The following ZC3H12B variants were observed in gnomAD, a reference collection of about 807,000 sequenced individuals.
The protein encoded by ZC3H12B is zinc finger CCCH-type containing 12B, also known as probable ribonuclease ZC3H12B.
ZC3H12B carries 7 observed loss-of-function variants against 43.9 expected under a neutral mutation model. The ratio of observed to expected loss-of-function variants is 0.16; its 90% CI spans 0.09 to 0.30. The LOEUF (loss-of-function observed/expected upper bound fraction) is 0.30. Ranked by LOEUF, ZC3H12B falls within the 10% of genes least tolerant of loss-of-function variation. ZC3H12B has a pLI of 1.00. For missense variants in ZC3H12B, 475 were observed against 670.2 expected (o/e 0.71, Z 3.22); for synonymous variants, 222 against 241.7 (o/e 0.92, Z 0.76).
At chrX:65,287,621 T>A in the ZC3H12B span, among the ~76,000 whole-genome samples, 2 of 110,065 alleles carry the variant, frequency 1.8e-5, no homozygotes, top group Admixed American at 9.8e-5. Flanking sequence ...TTGAAACAAA[T>A]GAAAATGGAA....
chrX:65,414,883 G>C (rs1217361752), intron 3 of ZC3H12B, among the ~76,000 whole-genome samples: 7 of 112,122 alleles, frequency 6.2e-5, no homozygotes, highest in Non-Finnish European at 1.1e-4. Flanking sequence ...TGTTGACAAA[G>C]AGTCAAACTC....
chrX:65,296,700 A>C, the ZC3H12B span, among the ~76,000 whole-genome samples: 1 of 110,898 alleles, frequency 9.0e-6, no homozygotes, highest in African/African-American at 3.3e-5. Flanking sequence ...AGGACATAAC[A>C]AAAAAAGGAA....
At chrX:65,070,042 T>G in the ZC3H12B span, among the ~76,000 whole-genome samples, 622 of 108,239 alleles carry the variant, frequency 5.7e-3, 6 homozygotes, top group African/African-American at 0.019. Context: ...TTTTTTTTTG[T>G]ACATCTCATA....
At chrX:65,065,675 T>G in the ZC3H12B span, among the ~76,000 whole-genome samples, 2 of 111,545 alleles carry the variant, frequency 1.8e-5, no homozygotes, top group African/African-American at 6.5e-5. Context: ...TTTCCTGAAC[T>G]GAATGTTCGC....
intron 3 of ZC3H12B, among the ~76,000 whole-genome samples, chrX:65,464,939 CT>C (rs1282391175): frequency 1.8e-5 from 2 of 110,679 alleles, no homozygotes; most frequent in East Asian, 5.6e-4. Flanking sequence ...TGCAAACTTC[CT>C]TTCATTATTA....
chrX:65,307,356 G>T, the ZC3H12B span, among the ~76,000 whole-genome samples: 1 of 111,561 alleles, frequency 9.0e-6, no homozygotes, highest in South Asian at 3.7e-4. Context: ...AATGCCTAAG[G>T]TTTAGAATTC....
chrX:65,222,286 G>C, the ZC3H12B span, among the ~76,000 whole-genome samples: 1 of 111,012 alleles, frequency 9.0e-6, no homozygotes, highest in Non-Finnish European at 1.9e-5. Context: ...CTGAGAACCA[G>C]AACAAGACAA....
chrX:65,291,271 A>C, the ZC3H12B span, among the ~76,000 whole-genome samples: 1 of 111,664 alleles, frequency 9.0e-6, no homozygotes, highest in East Asian at 2.8e-4. Flanking sequence ...ATATTAAGAA[A>C]TAATATTTAA....
At chrX:65,307,631 C>T in the ZC3H12B span, among the ~76,000 whole-genome samples, 2 of 111,490 alleles carry the variant, frequency 1.8e-5, no homozygotes, top group South Asian at 3.7e-4. Flanking sequence ...TGACCAGACC[C>T]TTAATTATCT....
the ZC3H12B span, among the ~76,000 whole-genome samples, chrX:65,094,725 A>G: frequency 8.9e-6 from 1 of 112,208 alleles, no homozygotes; most frequent in Non-Finnish European, 1.9e-5. Context: ...TCCTTGATGA[A>G]ACAATTAAAA....
chrX:65,150,367 GT>G, the ZC3H12B span, among the ~76,000 whole-genome samples: 9 of 107,006 alleles, frequency 8.4e-5, no homozygotes, highest in East Asian at 5.8e-4. Flanking sequence ...GAATATTTCA[GT>G]TTTTTTTTTA....
At chrX:65,371,211 T>A (rs942260588) in intron 2 of ZC3H12B, among the ~76,000 whole-genome samples, 6 of 112,311 alleles carry the variant, frequency 5.3e-5, no homozygotes, top group African/African-American at 1.9e-4. Flanking sequence ...CTTACATTAA[T>A]AGCTTTATCG....
intron 3 of ZC3H12B, chrX:65,408,089 C>T: frequency 8.4e-7 from 1 of 1,193,717 alleles, no homozygotes; most frequent in South Asian, 1.8e-5. Flanking sequence ...CGCGATGTTC[C>T]CGCAGAGCCG....
chrX:65,106,419 TTTTAA>T, the ZC3H12B span, among the ~76,000 whole-genome samples: 1 of 111,587 alleles, frequency 9.0e-6, no homozygotes, highest in African/African-American at 3.3e-5. Flanking sequence ...CATGTATTTG[TTTTAA>T]TTTATCTTTT....
the ZC3H12B span, among the ~76,000 whole-genome samples, chrX:65,328,886 T>A: frequency 3.5e-3 from 390 of 110,165 alleles, no homozygotes; most frequent in African/African-American, 0.012. Context: ...TTTCATCATT[T>A]TTTATGGCTA....
At chrX:65,137,637 TG>T in the ZC3H12B span, among the ~76,000 whole-genome samples, 6 of 112,393 alleles carry the variant, frequency 5.3e-5, no homozygotes, top group African/African-American at 1.9e-4. Context: ...TGTAAAAATT[TG>T]TTTGAACTAG....
the ZC3H12B span, among the ~76,000 whole-genome samples, chrX:65,265,152 G>A: frequency 2.1e-4 from 24 of 111,903 alleles, no homozygotes; most frequent in Non-Finnish European, 4.0e-4. Flanking sequence ...ATCTTCTGAC[G>A]TAAGTAATAT....
intron 3 of ZC3H12B, among the ~76,000 whole-genome samples, chrX:65,452,949 A>G (rs1433390983): frequency 1.8e-5 from 2 of 110,485 alleles, no homozygotes; most frequent in Non-Finnish European, 3.8e-5. Context: ...TACAAATTCA[A>G]TGCAGTTCCC....
At chrX:65,069,335 A>G in the ZC3H12B span, among the ~76,000 whole-genome samples, 1 of 104,920 alleles carries the variant, frequency 9.5e-6, no homozygotes, top group Admixed American at 1.1e-4. Context: ...TTTCTTTTGT[A>G]TCCTCTCAAT....
Sources: gnomAD v4.1 joint callset for allele counts (sites outside exome capture counted in the v4.1 genomes callset) on GRCh38, gnomAD v4.1.1 for gene constraint, MANE v1.5 for transcripts, NCBI Gene and HGNC (gene_info 2026-07-23, HGNC 2026-07-21) for gene names.